The following TSHZ3 variants were observed in gnomAD, a reference collection of about 807,000 sequenced individuals.
TSHZ3 encodes teashirt zinc finger homeobox 3.
A neutral mutation model predicts 64.5 loss-of-function variants in TSHZ3; 10 were observed. The ratio of observed to expected loss-of-function variants is 0.16; its 90% CI spans 0.10 to 0.26. TSHZ3 has a LOEUF of 0.26. Among genes scored for constraint, TSHZ3 ranks in the 10% least tolerant of loss-of-function variants. The pLI, the probability that TSHZ3 is intolerant of heterozygous loss-of-function variation, is 1.00. For synonymous variants in TSHZ3, 608 were observed against 593.1 expected, an observed-to-expected ratio of 1.03 and a Z score of -0.36; for missense variants, 1,242 against 1,421.7, an observed-to-expected ratio of 0.87 and a Z score of 2.03.
intron 1 of TSHZ3, among the ~76,000 whole-genome samples, chr19:31,340,947 A>C (rs1917414976): frequency 6.6e-6 from 1 of 152,162 alleles, no homozygotes; most frequent in Admixed American, 6.5e-5. Flanking sequence ...TCTCTCAACC[A>C]CTGTAACACA....
chr19:31,272,351 C>T (rs1038599936), downstream of TSHZ3, among the ~76,000 whole-genome samples: 7 of 152,172 alleles, frequency 4.6e-5, no homozygotes, highest in Non-Finnish European at 8.8e-5. Context: ...GAGGAAGGAA[C>T]CACAGAGACT....
At chr19:31,350,532 C>T (rs1413481396), upstream of TSHZ3, among the ~76,000 whole-genome samples, 1 of 151,488 alleles carries the variant, frequency 6.6e-6, no homozygotes, top group African/African-American at 2.4e-5. Flanking sequence ...CCAGGGGCTC[C>T]CCCCGAGAGC....
downstream of TSHZ3, among the ~76,000 whole-genome samples, chr19:31,274,135 G>GT (rs528894487): frequency 8.3e-3 from 1,223 of 146,776 alleles, 9 homozygotes; most frequent in African/African-American, 0.026. Context: ...TAAAATATGT[G>GT]TTTTTTTTTT....
intron 1 of TSHZ3, among the ~76,000 whole-genome samples, chr19:31,309,621 A>G (rs1049520574): frequency 6.6e-6 from 1 of 152,222 alleles, no homozygotes; most frequent in Non-Finnish European, 1.5e-5. Flanking sequence ...CTAAGAAACC[A>G]AGGTAGGTAA....
chr19:31,269,888 AG>A (rs1976110693), intron 1 of TSHZ3, among the ~76,000 whole-genome samples: 1 of 152,234 alleles, frequency 6.6e-6, no homozygotes, highest in Non-Finnish European at 1.5e-5. Flanking sequence ...GTGCCTGGGC[AG>A]GGAGTCCCAG....
rs79518598 is a variant in TSHZ3, at chr19:31,150,340, G to C, written n.2276C>G. Among the ~76,000 whole-genome samples, 127 of 152,294 alleles carry C rather than the reference G, an allele frequency of 8.3e-4. No homozygotes were observed. In the East Asian group the frequency reaches 0.019, roughly 23 times the overall value. ...AAGCGATGCTGATGGCCTGCAAGGG[G>C]GATGGGCACCTCTGGGTGCCTGCTC... On this transcript the variant is annotated non_coding_transcript_exon_variant, in exon 7 of 7. Coordinates refer to the TSHZ3 transcript ENST00000651361.
chr19:31,337,870 A>G (rs1160962954), intron 1 of TSHZ3, among the ~76,000 whole-genome samples: 1 of 152,182 alleles, frequency 6.6e-6, no homozygotes, highest in African/African-American at 2.4e-5. Flanking sequence ...CAAGATAGGA[A>G]CATTCAGCCC....
rs139479207 is a variant in TSHZ3, at chr19:31,257,078, C to G, written n.64-14203G>C. Among the ~76,000 whole-genome samples the G allele has an allele frequency of 3.1e-4, 47 of 152,140 alleles. 1 individual carries two copies. Among genetic ancestry groups the G allele is most frequent in the Middle Eastern group, 3.4e-3 (1 of 294 alleles). On this transcript the variant is annotated intron_variant and non_coding_transcript_variant, in intron 1 of 6. Coordinates refer to the TSHZ3 transcript ENST00000651361. Reference sequence around the variant, plus strand: ...TGGGGAGTGCTCCAGGGCGGGTGCTCCAGAAGAGGTGTTTCCTCCCTGGCT... The same window carrying G: ...TGGGGAGTGCTCCAGGGCGGGTGCTGCAGAAGAGGTGTTTCCTCCCTGGCT...
chr19:31,181,497 C>G (rs546544445), intron 5 of TSHZ3, among the ~76,000 whole-genome samples: 1 of 152,150 alleles, frequency 6.6e-6, no homozygotes, highest in South Asian at 2.1e-4. Context: ...GTGGCTGGGT[C>G]AGAGGAGAGA....
intron 5 of TSHZ3, among the ~76,000 whole-genome samples, chr19:31,195,886 G>C (rs959109290): frequency 1.3e-5 from 2 of 151,880 alleles, no homozygotes; most frequent in Admixed American, 6.6e-5. Context: ...TACTTTTTGA[G>C]AAATGAGTCA....
intron 4 of TSHZ3, among the ~76,000 whole-genome samples, chr19:31,212,506 T>G (rs1421617614): frequency 6.6e-6 from 1 of 152,070 alleles, no homozygotes; most frequent in African/African-American, 2.4e-5. Context: ...GCTCTCATTA[T>G]GTATCATCAG....
chr19:31,244,192 G>A (rs111509329), intron 1 of TSHZ3, among the ~76,000 whole-genome samples: 2,095 of 152,248 alleles, frequency 0.014, 51 homozygotes, highest in African/African-American at 0.047. Context: ...GGGGCCTGGT[G>A]GGAGGTGATT....
In TSHZ3 at chr19:31,254,456, C is replaced by T. The variant is rs539316381; in HGVS notation, n.64-11581G>A. Among the ~76,000 whole-genome samples the T allele has an allele frequency of 1.1e-3, 173 of 152,298 alleles. 1 individual carries two copies. The highest frequency in any genetic ancestry group is 1.4e-3 in the South Asian group (7 of 4,830). ...CTGTGGGCCCTGGAGGAAAGGGGGCCGGTCAGCACCAATCCCCGGGGCTGA... is the reference window on the plus strand; with the variant it reads ...CTGTGGGCCCTGGAGGAAAGGGGGCTGGTCAGCACCAATCCCCGGGGCTGA... On this transcript the variant is annotated intron_variant and non_coding_transcript_variant, in intron 1 of 6. Transcript: ENST00000651361.
chr19:31,339,707 C>T (rs10410070), intron 1 of TSHZ3, among the ~76,000 whole-genome samples: 17,509 of 151,734 alleles, frequency 0.12, 1,098 homozygotes, highest in Middle Eastern at 0.29. Flanking sequence ...ATGAATTCTC[C>T]GACGTTTCAA....
At chr19:31,181,266 A>T (rs576801757) in intron 5 of TSHZ3, among the ~76,000 whole-genome samples, 3 of 152,246 alleles carry the variant, frequency 2.0e-5, no homozygotes, top group African/African-American at 7.2e-5. Flanking sequence ...ACCCATCCAG[A>T]ATCTTCTGGC....
exon 7 of TSHZ3, among the ~76,000 whole-genome samples, chr19:31,151,417 A>T (rs1208701095): frequency 6.6e-6 from 1 of 152,158 alleles, no homozygotes; most frequent in Non-Finnish European, 1.5e-5. Flanking sequence ...TCTTCCAGGG[A>T]TCAGTAGAGA....
At chr19:31,328,376 G>C (rs772522152) in intron 1 of TSHZ3, among the ~76,000 whole-genome samples, 2 of 152,232 alleles carry the variant, frequency 1.3e-5, no homozygotes, top group Non-Finnish European at 2.9e-5. Context: ...TGCGGGCCAC[G>C]TTGGCACCTC....
intron 1 of TSHZ3, among the ~76,000 whole-genome samples, chr19:31,254,416 T>C (rs1439234195): frequency 6.6e-6 from 1 of 152,204 alleles, no homozygotes; most frequent in African/African-American, 2.4e-5. Flanking sequence ...TGCTGGGAAC[T>C]GAGCCCAGGC....
At chr19:31,224,777 C>T (rs923302115) in intron 4 of TSHZ3, among the ~76,000 whole-genome samples, 1 of 152,160 alleles carries the variant, frequency 6.6e-6, no homozygotes, top group African/African-American at 2.4e-5. Flanking sequence ...GGGGAATCCA[C>T]CAAAATTTTC....
Sources: allele counts gnomAD v4.1 joint callset (sites outside exome capture counted in the v4.1 genomes callset), GRCh38; gene constraint gnomAD v4.1.1; transcripts MANE v1.5; gene names NCBI Gene and HGNC (gene_info 2026-07-23, HGNC 2026-07-21).